SNX7: variants seen among roughly 807,000 people sequenced by gnomAD.
The protein encoded by SNX7 is sorting nexin-7.
In SNX7, 35 loss-of-function variants were observed where a neutral mutation model predicts 48.4. The ratio of observed to expected loss-of-function variants is 0.72; its 90% CI spans 0.55 to 0.96. SNX7 has a LOEUF of 0.96. Ranked by LOEUF, SNX7 falls within the 40% of genes least tolerant of loss-of-function variation. The pLI, the probability that SNX7 is intolerant of heterozygous loss-of-function variation, is 0.00. For missense variants in SNX7, 553 were observed against 548.9 expected (o/e 1.01, Z -0.07); for synonymous variants, 190 against 190.2 (o/e 1.00, Z 0.01).
rs955542884 is a variant in SNX7, at chr1:98,717,372, T to G, written c.1125+15469T>G. 6.4e-4 allele frequency among the ~76,000 whole-genome samples: 97 copies of G among 152,158 alleles called. 1 individual carries two copies. The highest frequency in any genetic ancestry group is 1.0e-4 in the Non-Finnish European group (7 of 68,018). The stretch of plus-strand genomic sequence containing the variant: ...CAGTTGAGGAACAGAGAAATAGAAT[T>G]ACTTGAACAACATTGCACATGCAGG... On this transcript the variant is annotated intron_variant, in intron 7 of 8. Coordinates refer to ENST00000306121, the MANE Select transcript of SNX7 (RefSeq NM_015976.5).
chr1:98,664,342 A>G (rs1213059966), intron 1 of SNX7, among the ~76,000 whole-genome samples: 1 of 152,172 alleles, frequency 6.6e-6, no homozygotes, highest in Non-Finnish European at 1.5e-5. Context: ...AGCCTGGCCA[A>G]CATAGTGAAA....
intron 1 of SNX7, chr1:98,662,747 G>A (rs997836659): frequency 1.2e-5 from 15 of 1,289,356 alleles, no homozygotes; most frequent in Non-Finnish European, 1.5e-5. Flanking sequence ...GAGAAGACCT[G>A]AGTTCAGATC....
intron 8 of SNX7, among the ~76,000 whole-genome samples, chr1:98,754,675 C>G (rs1346881205): frequency 6.6e-6 from 1 of 151,952 alleles, no homozygotes; most frequent in Non-Finnish European, 1.5e-5. Context: ...TCATTCCTGA[C>G]CCTTGGCAAT....
chr1:98,662,892 C>T, intron 1 of SNX7: 1 of 1,237,250 alleles, frequency 8.1e-7, no homozygotes, highest in Middle Eastern at 2.2e-4. Context: ...ACCATGCATA[C>T]TCTGACTCCA....
intron 7 of SNX7, among the ~76,000 whole-genome samples, chr1:98,702,573 G>A (rs2100977266): frequency 6.6e-6 from 1 of 151,992 alleles, no homozygotes; most frequent in East Asian, 1.9e-4. Flanking sequence ...TTATATTTTA[G>A]TATCTTTGCA....
intron 6 of SNX7, 144 bp from the exon 7 acceptor site, chr1:98,701,671 AAC>A (rs1252958122): frequency 5.5e-5 from 28 of 505,378 alleles, no homozygotes; most frequent in Middle Eastern, 5.5e-4. Context: ...AAAAAAAAAA[AAC>A]AACTTTTTAA....
intron 1 of SNX7, among the ~76,000 whole-genome samples, chr1:98,677,933 T>A (rs908272379): frequency 7.9e-5 from 12 of 151,392 alleles, no homozygotes; most frequent in African/African-American, 2.9e-4. Flanking sequence ...GAACTCTTGG[T>A]ATTTTATATC....
intron 8 of SNX7, among the ~76,000 whole-genome samples, chr1:98,739,265 G>A (rs1048064297): frequency 2.6e-5 from 4 of 152,074 alleles, no homozygotes; most frequent in African/African-American, 4.8e-5. Flanking sequence ...CTCACCCGCC[G>A]CTCACCTCCT....
intron 7 of SNX7, among the ~76,000 whole-genome samples, chr1:98,734,490 A>G (rs546187651): frequency 6.6e-6 from 1 of 152,150 alleles, no homozygotes; most frequent in Non-Finnish European, 1.5e-5. Context: ...ACAAATAGCT[A>G]TATAATCTCT....
intron 7 of SNX7, among the ~76,000 whole-genome samples, chr1:98,717,330 A>G (rs756969582): frequency 3.9e-5 from 6 of 152,178 alleles, no homozygotes; most frequent in East Asian, 1.9e-4. Flanking sequence ...TAAGTTTTAT[A>G]TGTTTTATAA....
chr1:98,668,717 A>G (rs1286736281), intron 1 of SNX7, among the ~76,000 whole-genome samples: 1 of 152,238 alleles, frequency 6.6e-6, no homozygotes, highest in Non-Finnish European at 1.5e-5. Flanking sequence ...ATAACTCCTT[A>G]TGAACACTTA....
intron 7 of SNX7, among the ~76,000 whole-genome samples, chr1:98,726,424 T>C (rs9727624): frequency 0.26 from 40,142 of 152,118 alleles, 5,635 homozygotes; most frequent in Middle Eastern, 0.31. Flanking sequence ...AGGAAACTTA[T>C]CGTTGAGGCA....
intron 8 of SNX7, among the ~76,000 whole-genome samples, chr1:98,748,623 G>A (rs185384653): frequency 1.5e-5 from 2 of 134,352 alleles, no homozygotes; most frequent in Admixed American, 1.6e-4. Context: ...TATAGAAAAG[G>A]AAGAAATGAT....
At chr1:98,730,277 T>C (rs951328188) in intron 7 of SNX7, among the ~76,000 whole-genome samples, 1 of 152,020 alleles carries the variant, frequency 6.6e-6, no homozygotes, top group African/African-American at 2.4e-5. Context: ...ATAGGAGCCG[T>C]TTATGACAAA....
At chr1:98,697,474 A>C (rs1265031412) in intron 5 of SNX7, among the ~76,000 whole-genome samples, 1 of 152,102 alleles carries the variant, frequency 6.6e-6, no homozygotes, top group East Asian at 1.9e-4. Context: ...CACCACAAAA[A>C]GCTATACATC....
rs1395186663 is a variant in SNX7 at position 98,663,252 on chromosome 1, GGTTTTTTTTTTTTTTTTTT to G, written c.180+1342_180+1360del. ...ATCAGAATCATCAGGGTTTCTTTCT[GGTTTTTTTTTTTTTTTTTT>G]TTTTTTTTTTTTTTTTTTTTTGTCG... On this transcript the variant is annotated intron_variant, in intron 1 of 8. Transcript: ENST00000306121. 9.0e-4 allele frequency among the ~76,000 whole-genome samples: 75 copies of G among 83,142 alleles called. 3 individuals carry two copies. The highest frequency in any genetic ancestry group is 3.0e-3 in the African/African-American group (55 of 18,290). The allele number at this position is 83,142 out of a possible 152,430, so 54.5% of individuals were successfully genotyped here. A position where few individuals can be genotyped will look rare whatever the true frequency, so the allele number is the denominator to read the frequency against.
upstream of SNX7, chr1:98,661,673 C>T: frequency 1.7e-6 from 2 of 1,186,822 alleles, no homozygotes; most frequent in African/African-American, 1.6e-5. Context: ...CCAATGGGCA[C>T]GCTCGGGGGA....
intron 7 of SNX7, among the ~76,000 whole-genome samples, chr1:98,709,140 G>C (rs980988476): frequency 3.3e-5 from 5 of 152,200 alleles, no homozygotes; most frequent in Non-Finnish European, 7.3e-5. Context: ...GCCTTCCGTA[G>C]AGTGTTGTTA....
At chr1:98,702,521 A>T (rs1651804891) in intron 7 of SNX7, among the ~76,000 whole-genome samples, 1 of 152,168 alleles carries the variant, frequency 6.6e-6, no homozygotes, top group Non-Finnish European at 1.5e-5. Flanking sequence ...ATTCTAAAGC[A>T]AATTCTAGAT....
Sources: allele counts gnomAD v4.1 joint callset (sites outside exome capture counted in the v4.1 genomes callset), GRCh38; gene constraint gnomAD v4.1.1; transcripts MANE v1.5; gene names NCBI Gene and HGNC (gene_info 2026-07-23, HGNC 2026-07-21).